Variants in ABHD6 observed in about 807,000 individuals in gnomAD.
The protein encoded by ABHD6 is monoacylglycerol lipase ABHD6.
ABHD6 carries 33 observed loss-of-function variants against 38.8 expected under a neutral mutation model. The observed-to-expected ratio is 0.85, with a 90% CI of 0.64 to 1.14. The LOEUF (loss-of-function observed/expected upper bound fraction) is 1.14. ABHD6 is among the 50% of genes most tolerant of loss of function. The pLI, the probability that ABHD6 is intolerant of heterozygous loss-of-function variation, is 0.00. For synonymous variants in ABHD6, 147 were observed against 161.6 expected, an observed-to-expected ratio of 0.91 and a Z score of 0.69; for missense variants, 380 against 422.6, an observed-to-expected ratio of 0.90 and a Z score of 0.88.
At chr3:58,246,450 C>G (rs1033370533) in intron 1 of ABHD6, among the ~76,000 whole-genome samples, 1 of 152,204 alleles carries the variant, frequency 6.6e-6, no homozygotes, top group African/African-American at 2.4e-5. Flanking sequence ...CCTGCCTGTC[C>G]CTCCTCTGCC....
chr3:58,286,550 A>ACAC (rs2097457141), intron 9 of ABHD6, among the ~76,000 whole-genome samples: 1 of 152,008 alleles, frequency 6.6e-6, no homozygotes, highest in South Asian at 2.1e-4. Flanking sequence ...TCACACCTGG[A>ACAC]CACAGTTGAG....
chr3:58,274,553 C>A (rs1364756585), intron 6 of ABHD6, 105 bp from the exon 7 acceptor site: 56 of 1,230,664 alleles, frequency 4.6e-5, no homozygotes, highest in Non-Finnish European at 6.1e-5. Flanking sequence ...ATGAAATAAA[C>A]CTGAAATATA....
Position 58,265,605 on chromosome 3 carries a change from CATATT to C in ABHD6, c.120-1580_120-1576del, listed in dbSNP as rs2097440382. ...TTCTTAGTGGAATGCAGCATTTCCT[CATATT>C]ATAAGATTATATAGTTAGTGTCTTA... On this transcript the variant is annotated intron_variant, in intron 3 of 9. Coordinates refer to ENST00000478253, the MANE Select transcript of ABHD6 (RefSeq NM_001320126.2). The surrounding 1 kb of genome is among the most constrained non-coding windows in gnomAD (Gnocchi z 4.2). Among the ~76,000 whole-genome samples the C allele has an allele frequency of 6.6e-6, 1 of 152,174 alleles. No homozygotes were observed. Among genetic ancestry groups the C allele is most frequent in the African/African-American group, 2.4e-5 (1 of 41,422 alleles).
intron 7 of ABHD6, among the ~76,000 whole-genome samples, chr3:58,275,694 G>A (rs1034531495): frequency 3.9e-5 from 6 of 152,098 alleles, no homozygotes; most frequent in Admixed American, 3.9e-4. Context: ...TGCACAGATT[G>A]CAGGTTTCAT....
At chr3:58,278,022 G>A (rs985734607) in intron 7 of ABHD6, among the ~76,000 whole-genome samples, 1 of 152,130 alleles carries the variant, frequency 6.6e-6, no homozygotes, top group African/African-American at 2.4e-5. Flanking sequence ...TTTTATTGAG[G>A]ATTTTCACAT....
intron 1 of ABHD6, among the ~76,000 whole-genome samples, chr3:58,242,760 T>A (rs1332447581): frequency 6.6e-6 from 1 of 152,218 alleles, no homozygotes; most frequent in Non-Finnish European, 1.5e-5. Flanking sequence ...CTAGGGTACA[T>A]GTGCACAACG....
At chr3:58,268,345 C>T (rs2097442538) in intron 4 of ABHD6, among the ~76,000 whole-genome samples, 1 of 152,206 alleles carries the variant, frequency 6.6e-6, no homozygotes, top group South Asian at 2.1e-4. Context: ...TTCCTTCCCA[C>T]TCCCTCTTCT....
intron 5 of ABHD6, among the ~76,000 whole-genome samples, chr3:58,270,180 G>A (rs1335741058): frequency 2.0e-5 from 3 of 152,154 alleles, no homozygotes; most frequent in Non-Finnish European, 2.9e-5. Flanking sequence ...ATGGATGGAT[G>A]GTTGAATAGA....
rs567099179 is a variant in ABHD6 at position 58,269,206 on chromosome 3, C to T, written c.277-115C>T. On this transcript the variant is annotated intron_variant, in intron 4 of 9. Transcript: ENST00000478253. This position sits in a 1 kb window ranked among gnomAD's most constrained non-coding sequence, Gnocchi z 4.4. ...GGTAAAACACTGAGTGGCCAAGACC[C>T]ATACATCCCCAGGGATGGCTGTCTG... 111 of 695,590 alleles carry T rather than the reference C, an allele frequency of 1.6e-4. No homozygotes were observed. The highest frequency in any genetic ancestry group is 2.6e-4 in the Non-Finnish European group (102 of 387,068). 43.1% of individuals were successfully genotyped at this position (695,590 alleles called of 1,614,324 possible). A position where few individuals can be genotyped will look rare whatever the true frequency, so the allele number is the denominator to read the frequency against.
intron 6 of ABHD6, among the ~76,000 whole-genome samples, 190 bp downstream of exon 6, chr3:58,271,254 A>G (rs2097444656): frequency 1.3e-5 from 2 of 152,208 alleles, no homozygotes; most frequent in Non-Finnish European, 2.9e-5. Flanking sequence ...GATTTTGAAA[A>G]TATAGAGCCA....
intron 9 of ABHD6, among the ~76,000 whole-genome samples, chr3:58,291,300 G>T (rs938710130): frequency 6.6e-6 from 1 of 151,908 alleles, no homozygotes; most frequent in Non-Finnish European, 1.5e-5. Flanking sequence ...ATCAGGCAGG[G>T]AGGTTGCAGT....
At chr3:58,282,694 C>T (rs1398584489) in intron 7 of ABHD6, among the ~76,000 whole-genome samples, 1 of 152,110 alleles carries the variant, frequency 6.6e-6, no homozygotes, top group South Asian at 2.1e-4. Flanking sequence ...CAAGATCATG[C>T]CACTGCACTC....
At position 58,265,665 on chromosome 3, in the gene ABHD6, C is replaced by A. The variant is rs2097440417; in HGVS notation, c.120-1524C>A. Among the ~76,000 whole-genome samples, 1 of 152,068 alleles carries A rather than the reference C, an allele frequency of 6.6e-6. No homozygotes were observed. On this transcript the variant is annotated intron_variant, in intron 3 of 9. Transcript: ENST00000478253. The surrounding 1 kb of genome is among the most constrained non-coding windows in gnomAD (Gnocchi z 4.2). ...ATTTTGTGTTGCTACAGCAGAATGC[C>A]ACAGACTAGATAATTTATAAAGAAA...
chr3:58,285,098 T>C lies in ABHD6; in HGVS notation c.695T>C (p.Leu232Pro). The C allele has an allele frequency of 6.2e-7, 1 of 1,614,222 alleles. No individual in the cohort carries two copies. Among genetic ancestry groups the C allele is most frequent in the Non-Finnish European group, 8.5e-7 (1 of 1,180,036 alleles). Residue 232 changes from leucine (L) to proline (P), a missense_variant, in exon 8 of 10, where the codon CTT becomes CCT. Leu to Pro is a moderately conservative substitution (Grantham distance 98). Transcript: ENST00000478253. This position sits in a 1 kb window ranked among gnomAD's most constrained non-coding sequence, Gnocchi z 4.9. Reference protein sequence around the residue: ...FKVPQQILQGLVDVRIPHNNF... With the variant: ...FKVPQQILQGPVDVRIPHNNF... ...ATTTATCCTTAGATCCTGCAAGGCC[T>C]TGTCGATGTCCGCATCCCTCATAAC... is the stretch of plus-strand genomic sequence containing the variant.
chr3:58,286,425 G>A (rs574901995), intron 9 of ABHD6, among the ~76,000 whole-genome samples: 1 of 152,130 alleles, frequency 6.6e-6, no homozygotes, highest in South Asian at 2.1e-4. Context: ...CAAAGTGCTG[G>A]GATTACAAGC....
chr3:58,289,244 TA>T (rs2097459711), intron 9 of ABHD6, among the ~76,000 whole-genome samples: 1 of 152,002 alleles, frequency 6.6e-6, no homozygotes, highest in African/African-American at 2.4e-5. Context: ...TTTATTTTTT[TA>T]TTTTTTTTAT....
Position 58,267,257 on chromosome 3 carries a change from C to A in ABHD6, c.188C>A (p.Ser63Tyr). The change falls in exon 4 of 10, where the codon TCC becomes TAC. Residue 63 changes from serine to tyrosine, a missense_variant. By Grantham distance (144) the Ser-to-Tyr change is moderately radical. Coordinates refer to ENST00000478253, the MANE Select transcript of ABHD6 (RefSeq NM_001320126.2). This position sits in a 1 kb window ranked among gnomAD's most constrained non-coding sequence, Gnocchi z 4.3. ...CATGAAGACTATCAGTTCTGTTATT[C>A]CTTCCGGGGCAGGCCTGGGCACAAA... The part of the protein sequence containing the change: ...VHHEDYQFCY[S>Y]FRGRPGHKPS... 6.2e-7 allele frequency: 1 copy of A among 1,614,206 alleles called. No individual in the cohort carries two copies.
In ABHD6 at chr3:58,266,526, T is replaced by C. The variant is rs2097441125; in HGVS notation, c.120-663T>C. Among the ~76,000 whole-genome samples, 1 of 151,880 alleles carries C rather than the reference T, an allele frequency of 6.6e-6. No homozygotes were observed. The highest frequency in any genetic ancestry group is 1.5e-5 in the Non-Finnish European group (1 of 68,010). ...GTATGCGGATAAAAGTAAATGAATATATATCTTCTCTCCCTCTCTGCTTAT... is the reference window on the plus strand; with the variant it reads ...GTATGCGGATAAAAGTAAATGAATACATATCTTCTCTCCCTCTCTGCTTAT... On this transcript the variant is annotated intron_variant, in intron 3 of 9. Coordinates refer to ENST00000478253, the MANE Select transcript of ABHD6 (RefSeq NM_001320126.2). This position sits in a 1 kb window ranked among gnomAD's most constrained non-coding sequence, Gnocchi z 4.0.
chr3:58,263,018 G>A lies in ABHD6; in HGVS notation c.120-4171G>A, dbSNP rs2107445132. 6.6e-6 allele frequency among the ~76,000 whole-genome samples: 1 copy of A among 152,288 alleles called. No individual in the cohort carries two copies. Among genetic ancestry groups the A allele is most frequent in the South Asian group, 2.1e-4 (1 of 4,826 alleles). Reference sequence around the variant, plus strand: ...AGGTCAGGAGTTTGAGACCAGCCTGGCCAACATGGTGAAACCCCATCTCTA... The same window carrying A: ...AGGTCAGGAGTTTGAGACCAGCCTGACCAACATGGTGAAACCCCATCTCTA... On this transcript the variant is annotated intron_variant, in intron 3 of 9. Transcript: ENST00000478253. The surrounding 1 kb of genome is among the most constrained non-coding windows in gnomAD (Gnocchi z 4.9).
Sources: allele counts gnomAD v4.1 joint callset (sites outside exome capture counted in the v4.1 genomes callset), GRCh38; gene constraint gnomAD v4.1.1; non-coding constraint Gnocchi (gnomAD v3.1); transcripts MANE v1.5; gene names NCBI Gene and HGNC (gene_info 2026-07-23, HGNC 2026-07-21).